The following ZNF518B variants were observed in gnomAD, a reference collection of about 807,000 sequenced individuals.
ZNF518B encodes zinc finger protein 518B.
A neutral mutation model predicts 56.3 loss-of-function variants in ZNF518B; 23 were observed. The observed-to-expected ratio is 0.41, with a 90% CI of 0.29 to 0.58. The LOEUF is 0.58. ZNF518B is among the 20% of genes least tolerant of loss of function. The probability of loss-of-function intolerance (pLI) is 0.32; values close to 1 mark genes in which losing one functional copy is unlikely to be tolerated. For synonymous variants in ZNF518B, 529 were observed against 465.9 expected, an observed-to-expected ratio of 1.14 and a Z score of -1.74; for missense variants, 1,460 against 1,272.1, an observed-to-expected ratio of 1.15 and a Z score of -2.25.
chr4:10,452,197 A>C (rs1218947775), intron 2 of ZNF518B: 1 of 152,222 alleles, frequency 6.6e-6, no homozygotes, highest in African/African-American at 2.4e-5. Flanking sequence ...GGCAGGGTTT[A>C]CAGTTCCAAC....
upstream of ZNF518B, among the ~76,000 whole-genome samples, chr4:10,457,733 G>T (rs1435791598): frequency 2.0e-5 from 3 of 152,350 alleles, no homozygotes; most frequent in African/African-American, 7.2e-5. Context: ...CTTGGCGCCT[G>T]CCTCCCTGGA....
rs142752312 is a variant in ZNF518B, at chr4:10,444,786, C to T, written c.1543G>A (p.Glu515Lys). 3.7e-5 allele frequency: 59 copies of T among 1,613,796 alleles called. No homozygotes were observed. In the African/African-American group the frequency reaches 6.3e-4, roughly 17 times the overall value. ...CTACTGTGTAAATTTCTTCCACTTT[C>T]AGCAAAACAAACAGCAGCTTTATAT... Reference protein sequence around the residue: ...FPYKAAVCFAESGRNLHSSSQ... With the variant: ...FPYKAAVCFAKSGRNLHSSSQ... The change falls in exon 3 of 3, where the codon GAA (glutamate) becomes AAA (lysine). Residue 515 changes from glutamate (E) to lysine (K), a missense_variant. By Grantham distance (56) the Glu-to-Lys change is moderately conservative (BLOSUM62 1). Transcript: ENST00000326756.
At position 10,443,900 on chromosome 4, in the gene ZNF518B, G is replaced by C. The variant is rs377752954; in HGVS notation, c.2429C>G (p.Pro810Arg). 139 of 1,614,030 alleles carry C rather than the reference G, an allele frequency of 8.6e-5. No homozygotes were observed. Among genetic ancestry groups the C allele is most frequent in the Admixed American group, 3.0e-4 (18 of 59,994 alleles). Residue 810 changes from proline (P) to arginine (R), a missense_variant, in exon 3 of 3, where the codon CCA (proline) becomes CGA (arginine). Physicochemically the swap from Pro to Arg is moderately radical, Grantham distance 103. Transcript: ENST00000326756. ...CTGTCTCACAGGGCAAAATGGAACT[G>C]GTTTTATTAACTGTCTTTCACTGCA... ...IPCSERQLIK[P>R]VPFCPVRQAD...
At position 10,443,888 on chromosome 4, in the gene ZNF518B, C is replaced by A. The variant is rs1314352574; in HGVS notation, c.2441G>T (p.Cys814Phe). 6.2e-6 allele frequency: 10 copies of A among 1,614,056 alleles called. No homozygotes were observed. Among genetic ancestry groups the A allele is most frequent in the South Asian group, 3.3e-5 (3 of 91,088 alleles). The part of the protein sequence containing the change: ...ERQLIKPVPF[C>F]PVRQADSDLQ... ...GTCTGAGTCCGCCTGTCTCACAGGG[C>A]AAAATGGAACTGGTTTTATTAACTG... The change falls in exon 3 of 3, where the codon TGC (cysteine) becomes TTC (phenylalanine). Residue 814 changes from cysteine (C) to phenylalanine (F), a missense_variant. Transcript: ENST00000326756.
chr4:10,460,688 A>C (rs1715719186), upstream of ZNF518B, among the ~76,000 whole-genome samples: 1 of 152,160 alleles, frequency 6.6e-6, no homozygotes, highest in South Asian at 2.1e-4. Context: ...GGCTCAGAGG[A>C]AGGCCTCCAC....
In ZNF518B at chr4:10,457,127, G is replaced by T. The variant is rs1036293983; in HGVS notation, c.-396+190C>A. 1.6e-3 allele frequency: 236 copies of T among 148,864 alleles called. 1 individual carries two copies. The highest frequency in any genetic ancestry group is 5.6e-3 in the African/African-American group (231 of 41,174). 9.2% of individuals were successfully genotyped at this position (148,864 alleles called of 1,614,324 possible). On this transcript the variant is annotated intron_variant, in intron 1 of 2. Transcript: ENST00000326756. ...CGCCCACCAGCCGGAGCCCGCGTTC[G>T]GCCTACCCGGTGCCACTTGCCACGA...
chr4:10,446,277 T>C lies in ZNF518B; in HGVS notation c.52A>G (p.Asn18Asp), dbSNP rs1265703412. 6.2e-7 allele frequency: 1 copy of C among 1,614,230 alleles called. No homozygotes were observed. The highest frequency in any genetic ancestry group is 1.3e-5 in the African/African-American group (1 of 75,060). ...LYTTHLNGGH[N>D]SLTMSPKQPD... ...TGTTTGGGTGACATGGTCAAGGAAT[T>C]ATGTCCGCCGTTCAAGTGTGTAGTG... Residue 18 changes from asparagine (N) to aspartate (D), a missense_variant, in exon 3 of 3, where the codon AAT (asparagine) becomes GAT (aspartate). Coordinates refer to ENST00000326756, the MANE Select transcript of ZNF518B (RefSeq NM_053042.3).
upstream of ZNF518B, among the ~76,000 whole-genome samples, chr4:10,460,231 A>T (rs867488099): frequency 2.3e-5 from 3 of 129,944 alleles, no homozygotes; most frequent in Admixed American, 7.7e-5. Flanking sequence ...CTTGAACCCA[A>T]GAGACGGAGG....
chr4:10,444,191 G>A lies in ZNF518B; in HGVS notation c.2138C>T (p.Ser713Leu), dbSNP rs374505111. 34 of 1,614,110 alleles carry A rather than the reference G, an allele frequency of 2.1e-5. No homozygotes were observed. Among genetic ancestry groups the A allele is most frequent in the African/African-American group, 6.7e-5 (5 of 74,942 alleles). Residue 713 changes from serine (S) to leucine (L), a missense_variant, in exon 3 of 3, where the codon TCA becomes TTA. Transcript: ENST00000326756. ...TSEGIQEINVSLTGLGHSTGT... is the reference protein window; with the variant it reads ...TSEGIQEINVLLTGLGHSTGT... The stretch of plus-strand genomic sequence containing the variant: ...TGTGGAATGGCCAAGACCAGTGAGT[G>A]ACACGTTGATTTCTTGAATACCTTC...
intron 2 of ZNF518B, chr4:10,451,294 T>C (rs1288172929): frequency 6.6e-6 from 1 of 152,222 alleles, no homozygotes; most frequent in Non-Finnish European, 1.5e-5. Context: ...ATTTGACTTC[T>C]AAATACTGGA....
At chr4:10,459,177 C>T (rs938785989), upstream of ZNF518B, among the ~76,000 whole-genome samples, 3 of 152,178 alleles carry the variant, frequency 2.0e-5, no homozygotes, top group African/African-American at 7.2e-5. Context: ...CAGGACTTAT[C>T]ACAGTCCCTG....
chr4:10,456,886 G>A (rs1715558542), intron 1 of ZNF518B, among the ~76,000 whole-genome samples: 1 of 151,954 alleles, frequency 6.6e-6, no homozygotes, highest in East Asian at 1.9e-4. Context: ...TGGGGGCGGG[G>A]AGCGCAGGCC....
Position 10,440,569 on chromosome 4 carries a change from C to T in ZNF518B, c.*2535G>A, listed in dbSNP as rs1418560175. 6.6e-6 allele frequency: 1 copy of T among 152,568 alleles called. No homozygotes were observed. Among genetic ancestry groups the T allele is most frequent in the Non-Finnish European group, 1.5e-5 (1 of 68,030 alleles). 9.5% of individuals were successfully genotyped at this position (152,568 alleles called of 1,614,324 possible). Reference sequence around the variant, plus strand: ...ATCTTCTAAAGCTCTTTAGGGAGGACAGCTACTTTTTGCTTTCCCATTTTT... The same window carrying T: ...ATCTTCTAAAGCTCTTTAGGGAGGATAGCTACTTTTTGCTTTCCCATTTTT... On this transcript the variant is annotated 3_prime_UTR_variant, in exon 3 of 3. Coordinates refer to ENST00000326756, the MANE Select transcript of ZNF518B (RefSeq NM_053042.3).
intron 1 of ZNF518B, 79 bp from the exon 2 acceptor site, chr4:10,455,067 G>C (rs568024932): frequency 6.6e-6 from 1 of 152,244 alleles, no homozygotes; most frequent in Non-Finnish European, 1.5e-5. Context: ...AAGATAAGGG[G>C]AATGAGCCCC....
chr4:10,458,098 C>T (rs1329762588), upstream of ZNF518B, among the ~76,000 whole-genome samples: 6 of 152,114 alleles, frequency 3.9e-5, no homozygotes, highest in Admixed American at 2.0e-4. Context: ...GACTTCGGTG[C>T]TATTTTGGGC....
upstream of ZNF518B, among the ~76,000 whole-genome samples, chr4:10,460,324 C>CAAAAAAAAAAAAAAAA (rs1715706695): frequency 5.7e-5 from 1 of 17,398 alleles, no homozygotes; most frequent in Non-Finnish European, 9.3e-5. Context: ...AAAAAAAAAA[C>CAAAAAAAAAAAAAAAA]CAAAAAAAAA....
chr4:10,452,301 T>TA (rs1715352969), intron 2 of ZNF518B: 1 of 152,210 alleles, frequency 6.6e-6, no homozygotes, highest in Non-Finnish European at 1.5e-5. Context: ...TAAGCAAACT[T>TA]AAAGGGCGAT....
upstream of ZNF518B, among the ~76,000 whole-genome samples, chr4:10,459,209 C>G (rs1715667086): frequency 1.3e-5 from 2 of 152,288 alleles, no homozygotes; most frequent in African/African-American, 2.4e-5. Context: ...TGACTGTTAA[C>G]TTACTCTTCA....
chr4:10,454,101 C>A (rs181418399), intron 2 of ZNF518B: 1 of 152,320 alleles, frequency 6.6e-6, no homozygotes, highest in Non-Finnish European at 1.5e-5. Flanking sequence ...GGTGCAGGTG[C>A]ACTTGGGAAT....
Sources: allele counts gnomAD v4.1 joint callset (sites outside exome capture counted in the v4.1 genomes callset), GRCh38; gene constraint gnomAD v4.1.1; transcripts MANE v1.5; gene names NCBI Gene and HGNC (gene_info 2026-07-23, HGNC 2026-07-21).